The following UNC13B variants were observed in gnomAD, a reference collection of about 807,000 sequenced individuals.
UNC13B encodes the protein unc-13 homolog B.
UNC13B carries 144 observed loss-of-function variants against 211.0 expected under a neutral mutation model. That is an observed-to-expected ratio of 0.68 (90% CI 0.60 to 0.78). The LOEUF (loss-of-function observed/expected upper bound fraction) is 0.78, where lower values mean the gene tolerates loss of function less well. Among genes scored for constraint, UNC13B ranks in the 30% least tolerant of loss-of-function variants. The pLI, the probability that UNC13B is intolerant of heterozygous loss-of-function variation, is 0.00. For synonymous variants in UNC13B, 709 were observed against 725.8 expected, an observed-to-expected ratio of 0.98 and a Z score of 0.37; for missense variants, 1,777 against 2,002.0, an observed-to-expected ratio of 0.89 and a Z score of 2.14.
intron 1 of UNC13B, among the ~76,000 whole-genome samples, chr9:35,219,834 C>G (rs1824473774): frequency 6.6e-6 from 1 of 152,086 alleles, no homozygotes; most frequent in South Asian, 2.1e-4. Context: ...AAGCTGTAGT[C>G]ACTCTCAAAG....
intron 14 of UNC13B, 56 bp downstream of exon 14, chr9:35,375,257 C>T (rs915486002): frequency 4.0e-5 from 63 of 1,555,572 alleles, no homozygotes; most frequent in Non-Finnish European, 5.4e-5. Flanking sequence ...GTGATCATCT[C>T]TGTAGCCATG....
chr9:35,251,515 A>C (rs1466812235), intron 6 of UNC13B, among the ~76,000 whole-genome samples: 1 of 152,086 alleles, frequency 6.6e-6, no homozygotes, highest in Non-Finnish European at 1.5e-5. Flanking sequence ...TGAACCTAGG[A>C]GGCAGAGGCT....
At chr9:35,267,325 T>G (rs1489319661) in intron 7 of UNC13B, among the ~76,000 whole-genome samples, 1 of 152,204 alleles carries the variant, frequency 6.6e-6, no homozygotes, top group African/African-American at 2.4e-5. Context: ...AATGTCTCTC[T>G]CAGAAGTGTT....
chr9:35,342,460 C>A, intron 11 of UNC13B: 1 of 698,476 alleles, frequency 1.4e-6, no homozygotes, highest in Non-Finnish European at 1.8e-6. Context: ...AGTCAACTTG[C>A]TGGTGAGGGG....
In UNC13B at chr9:35,183,353, G is replaced by A. The variant is rs549943346; in HGVS notation, c.22+21048G>A. ...CAGAGGCGCCCCTCACCTCCCAGGC[G>A]GGGCGGCCGGGCAGAGGCGCTCCTC... is the stretch of plus-strand genomic sequence containing the variant. On this transcript the variant is annotated intron_variant, in intron 1 of 39. Transcript: ENST00000635942. 2.8e-4 allele frequency among the ~76,000 whole-genome samples: 39 copies of A among 139,260 alleles called. 5 individuals carry two copies. The highest frequency in any genetic ancestry group is 4.6e-4 in the Non-Finnish European group (29 of 63,650). The allele number at this position is 139,260 out of a possible 152,430, so 91.4% of individuals were successfully genotyped here. A position where few individuals can be genotyped will look rare whatever the true frequency, so the allele number is the denominator to read the frequency against.
At chr9:35,400,577 T>C in intron 37 of UNC13B, 134 bp downstream of exon 37, 10 of 1,094,678 alleles carry the variant, frequency 9.1e-6, no homozygotes, top group Non-Finnish European at 1.3e-5. Flanking sequence ...CAGATCTCTA[T>C]TGCTTGATGG....
chr9:35,329,550 C>A (rs374962155), intron 11 of UNC13B, among the ~76,000 whole-genome samples: 4 of 151,076 alleles, frequency 2.6e-5, no homozygotes, highest in Admixed American at 2.0e-4. Flanking sequence ...TGCAGTGGTG[C>A]GATCTTGGCT....
chr9:35,384,846 C>A, intron 22 of UNC13B: 1 of 742,128 alleles, frequency 1.3e-6, no homozygotes, highest in Non-Finnish European at 1.6e-6. Context: ...AGGAAATGGG[C>A]AGTTTCTTAG....
intron 1 of UNC13B, among the ~76,000 whole-genome samples, chr9:35,209,801 C>T (rs1217330072): frequency 6.6e-6 from 1 of 152,182 alleles, no homozygotes; most frequent in Non-Finnish European, 1.5e-5. Context: ...TTTTACATGA[C>T]AAATTTTGTT....
intron 1 of UNC13B, among the ~76,000 whole-genome samples, chr9:35,175,211 T>C (rs1245149453): frequency 1.3e-5 from 2 of 152,268 alleles, no homozygotes; most frequent in African/African-American, 4.8e-5. Context: ...ATTGAATGTA[T>C]CAGTCTCATT....
At chr9:35,342,278 T>G (rs1832049805) in intron 11 of UNC13B, 2 of 985,710 alleles carry the variant, frequency 2.0e-6, no homozygotes, top group South Asian at 4.7e-5. Context: ...CTTCTAAAAC[T>G]TGAGAATTCA....
At chr9:35,211,741 C>T (rs780867844) in intron 1 of UNC13B, among the ~76,000 whole-genome samples, 24 of 152,132 alleles carry the variant, frequency 1.6e-4, no homozygotes, top group African/African-American at 2.4e-4. Context: ...CTCATCATTA[C>T]GGCTTATCAT....
In UNC13B at chr9:35,325,623, C is replaced by T. The variant is rs143604056; in HGVS notation, c.9414+11634C>T. 7.8e-4 allele frequency among the ~76,000 whole-genome samples: 118 copies of T among 152,250 alleles called. 1 individual carries two copies. The highest frequency in any genetic ancestry group is 1.2e-3 in the Non-Finnish European group (81 of 68,024). On this transcript the variant is annotated intron_variant, in intron 11 of 39. Transcript: ENST00000635942. Reference sequence around the variant, plus strand: ...TAACATAAAGCCATCTTAAAGTATACAATTAAGTGGTATTTAATATAGTCA... The same window carrying T: ...TAACATAAAGCCATCTTAAAGTATATAATTAAGTGGTATTTAATATAGTCA...
chr9:35,300,401 C>T lies in UNC13B; in HGVS notation c.997C>T (p.Gln333Ter). 5.0e-6 allele frequency: 2 copies of T among 398,966 alleles called. 1 individual carries two copies. The highest frequency in any genetic ancestry group is 7.1e-5 in the East Asian group (2 of 28,072). 24.7% of individuals were successfully genotyped at this position (398,966 alleles called of 1,614,324 possible). ...TGGATTTGTGGTTAAGAGTGGCATG[C>T]AGCGCATTAAGTTGGAAAGTCATGA... ...KNGFVVKSGM[Q>*]RIKLESHDYD... The change falls in exon 9 of 40, where the codon CAG (glutamine) becomes TAG (stop). Residue 333 changes from glutamine (Q) to a stop codon, truncating the protein, a stop_gained. Transcript: ENST00000635942. LOFTEE classifies it high-confidence loss of function.
Position 35,307,705 on chromosome 9 carries a change from T to C in UNC13B, c.8301T>C (p.Asn2767=), listed in dbSNP as rs1399814189. The C allele has an allele frequency of 7.5e-6, 3 of 398,918 alleles. No homozygotes were observed. The highest frequency in any genetic ancestry group is 1.3e-4 in the South Asian group (1 of 7,860). 24.7% of individuals were successfully genotyped at this position (398,918 alleles called of 1,614,324 possible). ...EQSRPRFEIP[N]VTTWPKLRLP... ...CAAGACCACGTTTTGAGATCCCAAA[T>C]GTGACCACTTGGCCAAAGCTTCGTT... The change falls in exon 9 of 40, where the codon AAT becomes AAC. Residue 2767 remains asparagine, a synonymous_variant. Coordinates refer to ENST00000635942, the MANE Select transcript of UNC13B (RefSeq NM_001371189.2).
chr9:35,349,778 C>T (rs1158371067), intron 11 of UNC13B, among the ~76,000 whole-genome samples: 1 of 152,208 alleles, frequency 6.6e-6, no homozygotes, highest in African/African-American at 2.4e-5. Context: ...TCTGACTCGT[C>T]CTTCTGGTTC....
At chr9:35,205,228 G>A (rs543078483) in intron 1 of UNC13B, among the ~76,000 whole-genome samples, 3 of 152,088 alleles carry the variant, frequency 2.0e-5, no homozygotes, top group Non-Finnish European at 2.9e-5. Context: ...TGTATAGCCT[G>A]TGGAACTGTG....
chr9:35,198,649 T>C (rs774426238), intron 1 of UNC13B, among the ~76,000 whole-genome samples: 3 of 151,916 alleles, frequency 2.0e-5, no homozygotes, highest in South Asian at 2.1e-4. Flanking sequence ...CAGAAGAAGA[T>C]AGAAGGATGA....
chr9:35,313,243 C>T (rs1044806361), intron 10 of UNC13B, among the ~76,000 whole-genome samples: 3 of 152,076 alleles, frequency 2.0e-5, no homozygotes, highest in Non-Finnish European at 4.4e-5. Context: ...AGATGAAAAG[C>T]TAAAAGGAAT....
Sources: allele counts gnomAD v4.1 joint callset (sites outside exome capture counted in the v4.1 genomes callset), GRCh38; gene constraint gnomAD v4.1.1; transcripts MANE v1.5; gene names NCBI Gene and HGNC (gene_info 2026-07-23, HGNC 2026-07-21).